The following NOTCH1 variants were observed in gnomAD, a reference collection of about 807,000 sequenced individuals.
NOTCH1 encodes neurogenic locus notch homolog protein 1.
A neutral mutation model predicts 254.8 loss-of-function variants in NOTCH1; 37 were observed. The observed-to-expected ratio is 0.15, with a 90% confidence interval of 0.11 to 0.19. The LOEUF is 0.19. Ranked by LOEUF, NOTCH1 falls within the 10% of genes least tolerant of loss-of-function variation. The pLI, the probability that NOTCH1 is intolerant of heterozygous loss-of-function variation, is 1.00. For synonymous variants in NOTCH1, 1,731 were observed against 1,618.1 expected (o/e 1.07, Z -1.68); for missense variants, 2,972 against 3,708.6 (o/e 0.80, Z 5.16).
Position 136,501,915 on chromosome 9 carries a change from T to C in NOTCH1, c.5473-2A>G, listed in dbSNP as rs2133329352. The C allele has an allele frequency of 6.2e-7, 1 of 1,611,584 alleles. No homozygotes were observed. The highest frequency in any genetic ancestry group is 8.5e-7 in the Non-Finnish European group (1 of 1,179,942). On this transcript the variant is annotated splice_acceptor_variant, in intron 29 of 33. Transcript: ENST00000651671. LOFTEE classifies it high-confidence loss of function. ...AGGCAGAACCACGGGCTCCTCGAAC[T>C]ACATAGAGGGAGTGAGCAGAGCCTG...
chr9:136,531,717 C>T (rs190222818), intron 2 of NOTCH1, among the ~76,000 whole-genome samples: 346 of 152,330 alleles, frequency 2.3e-3, no homozygotes, highest in African/African-American at 8.0e-3. Flanking sequence ...CCCACGCTGC[C>T]GGAGGAGCAC....
chr9:136,498,868 G>A (rs372332451), intron 33 of NOTCH1, 31 bp downstream of exon 33: 20 of 1,609,780 alleles, frequency 1.2e-5, no homozygotes, highest in East Asian at 6.7e-5. Context: ...CAGCCCTCAC[G>A]TCTCCCCTGG....
At chr9:136,511,098 C>A in intron 16 of NOTCH1, 54 bp downstream of exon 16, 4 of 1,612,068 alleles carry the variant, frequency 2.5e-6, no homozygotes, top group Non-Finnish European at 3.4e-6. Flanking sequence ...GCCTGTGTCC[C>A]GCAGACATCC....
At chr9:136,503,131 G>A (rs760778213) in intron 27 of NOTCH1, 51 bp downstream of exon 27, 1 of 1,610,944 alleles carries the variant, frequency 6.2e-7, no homozygotes, top group Middle Eastern at 1.7e-4. Context: ...GGCACGGGGG[G>A]ATGGCACCCC....
In NOTCH1 at chr9:136,499,176, G is replaced by T. The variant is rs748935957; in HGVS notation, c.6018C>A (p.Ala2006=). ...TTPLILAARL[A]VEGMLEDLIN... Reference sequence around the variant, plus strand: ...TGAGGTCCTCCAGCATGCCCTCCACGGCCAGGCGGGCAGCCAGGATCAGTG... The same window carrying T: ...TGAGGTCCTCCAGCATGCCCTCCACTGCCAGGCGGGCAGCCAGGATCAGTG... The change falls in exon 32 of 34, where the codon GCC becomes GCA. Residue 2006 remains alanine (A), a synonymous_variant. Coordinates refer to ENST00000651671, the MANE Select transcript of NOTCH1 (RefSeq NM_017617.5). The T allele has an allele frequency of 3.7e-6, 6 of 1,613,346 alleles. No homozygotes were observed. Among genetic ancestry groups the T allele is most frequent in the African/African-American group, 1.3e-5 (1 of 75,060 alleles).
rs113888617 is a variant in NOTCH1 at position 136,495,031 on chromosome 9, C to T, written c.*1040G>A. 1,261 of 399,008 alleles carry T rather than the reference C, an allele frequency of 3.2e-3. 11 individuals carry two copies. The highest frequency in any genetic ancestry group is 0.022 in the African/African-American group (1,077 of 48,758). 24.7% of individuals were successfully genotyped at this position (399,008 alleles called of 1,614,324 possible). On this transcript the variant is annotated 3_prime_UTR_variant, in exon 34 of 34. Coordinates refer to ENST00000651671, the MANE Select transcript of NOTCH1 (RefSeq NM_017617.5). ...GCTCTGGCAAGTCTCCTACAAAACA[C>T]GGGAGCCCACGGGGGGTCGGGTCCC...
intron 12 of NOTCH1, 35 bp from the exon 13 acceptor site, chr9:136,514,737 C>T (rs756310891): frequency 1.2e-5 from 19 of 1,599,494 alleles, no homozygotes; most frequent in South Asian, 8.9e-5. Context: ...CGAGGCCCAG[C>T]GCCCAGGGGG....
chr9:136,496,864 C>T lies in NOTCH1; in HGVS notation c.6875G>A (p.Gly2292Glu), dbSNP rs1295769772. ...CCCGCCCACAGTGAAATTCAGGGCC[C>T]CTCCGCTGCTGGAGCCCAGGACGGT... Reference protein sequence around the residue: ...TSTVLGSSSGGALNFTVGGST... With the variant: ...TSTVLGSSSGEALNFTVGGST... The change falls in exon 34 of 34, where the codon GGG (glycine) becomes GAG (glutamate). Residue 2292 changes from glycine (G) to glutamate (E), a missense_variant. By Grantham distance (98) the Gly-to-Glu change is moderately conservative. This residue lies in a region of NOTCH1 where 529 missense variants were observed against 529.2 expected (regional missense o/e 1.00). Coordinates refer to ENST00000651671, the MANE Select transcript of NOTCH1 (RefSeq NM_017617.5). 2 of 1,612,796 alleles carry T rather than the reference C, an allele frequency of 1.2e-6. No homozygotes were observed. Among genetic ancestry groups the T allele is most frequent in the Non-Finnish European group, 1.7e-6 (2 of 1,180,012 alleles).
chr9:136,535,125 C>T (rs1046903569), intron 2 of NOTCH1, among the ~76,000 whole-genome samples: 8 of 143,030 alleles, frequency 5.6e-5, no homozygotes, highest in African/African-American at 1.3e-4. Flanking sequence ...CTGAGGGAAC[C>T]GCTGCCCCAC....
rs201289055 is a variant in NOTCH1 at position 136,497,241 on chromosome 9, C to T, written c.6498G>A (p.Leu2166=). The change falls in exon 34 of 34, where the codon CTG becomes CTA. Residue 2166 remains leucine (L), a synonymous_variant. Transcript: ENST00000651671. ...CCTTGGCCTCCTTGCTTCCACAGGC[C>T]AGGCCTTTGCTGCTGGGCTTGCGGA... ...KKVRKPSSKG[L]ACGSKEAKDL... The T allele has an allele frequency of 1.4e-5, 23 of 1,612,274 alleles. No homozygotes were observed. The highest frequency in any genetic ancestry group is 2.2e-5 in the East Asian group (1 of 44,888).
Position 136,509,039 on chromosome 9 carries a change from C to T in NOTCH1, c.3002G>A (p.Gly1001Asp), listed in dbSNP as rs2133349011. The T allele has an allele frequency of 1.3e-6, 2 of 1,561,482 alleles. No homozygotes were observed. The highest frequency in any genetic ancestry group is 1.7e-6 in the Non-Finnish European group (2 of 1,153,756). ...ACACAGGCAGGTGAACGAGTTGATGCCGTCCACGCAGGTGCCACCGTTGAA... is the reference window on the plus strand; with the variant it reads ...ACACAGGCAGGTGAACGAGTTGATGTCGTCCACGCAGGTGCCACCGTTGAA... ...SCFNGGTCVD[G>D]INSFTCLCPP... Residue 1001 changes from glycine to aspartate, a missense_variant, in exon 19 of 34, where the codon GGC becomes GAC. Transcript: ENST00000651671.
At position 136,545,988 on chromosome 9, in the gene NOTCH1, G is replaced by GCCCGCGCCCGCGCCCCGCGC. The variant is rs1564217341; in HGVS notation, c.-222_-203dup. Among the ~76,000 whole-genome samples the GCCCGCGCCCGCGCCCCGCGC allele has an allele frequency of 6.8e-6, 1 of 146,714 alleles. No individual in the cohort carries two copies. Among genetic ancestry groups the GCCCGCGCCCGCGCCCCGCGC allele is most frequent in the East Asian group, 2.0e-4 (1 of 5,052 alleles). On this transcript the variant is annotated 5_prime_UTR_variant, in exon 1 of 34. Transcript: ENST00000651671. The surrounding 1 kb of genome is among the most constrained non-coding windows in gnomAD (Gnocchi z 6.8). ...CGGCTCGTTCCTTCGCTGCGCTCGC[G>GCCCGCGCCCGCGCCCCGCGC]CCCGCGCCCGCGCCCCGCGCCCCGC... is the stretch of plus-strand genomic sequence containing the variant.
In NOTCH1 at chr9:136,506,565, A is replaced by G. The variant is rs1359369535; in HGVS notation, c.3976T>C (p.Ser1326Pro). 1 of 1,610,270 alleles carries G rather than the reference A, an allele frequency of 6.2e-7. No individual in the cohort carries two copies. The highest frequency in any genetic ancestry group is 1.7e-5 in the Admixed American group (1 of 59,846). The change falls in exon 24 of 34, where the codon TCC (serine) becomes CCC (proline). Residue 1326 changes from serine (S) to proline (P), a missense_variant. Physicochemically the swap from Ser to Pro is moderately conservative, Grantham distance 74. Transcript: ENST00000651671. The surrounding 1 kb of genome is among the most constrained non-coding windows in gnomAD (Gnocchi z 4.5). Reference protein sequence around the residue: ...CKNGGTCAVASNTARGFICKC... With the variant: ...CKNGGTCAVAPNTARGFICKC... Reference sequence around the variant, plus strand: ...CAGATGAACCCGCGGGCGGTGTTGGAGGCCACGGCGCAGGTGCCCCCATTC... The same window carrying G: ...CAGATGAACCCGCGGGCGGTGTTGGGGGCCACGGCGCAGGTGCCCCCATTC...
chr9:136,517,989 A>G lies in NOTCH1; in HGVS notation c.1256-52T>C, dbSNP rs376390459. 1.1e-5 allele frequency: 18 copies of G among 1,595,946 alleles called. No individual in the cohort carries two copies. In the African/African-American group the frequency reaches 2.3e-4, roughly 20 times the overall value. On this transcript the variant is annotated intron_variant, in intron 7 of 33. Transcript: ENST00000651671. Reference sequence around the variant, plus strand: ...TGCTCCAGGCACCCTGGCCCCTGCAACACCTCACTGCACACCACCCCCATC... The same window carrying G: ...TGCTCCAGGCACCCTGGCCCCTGCAGCACCTCACTGCACACCACCCCCATC...
chr9:136,517,474 G>T, intron 8 of NOTCH1, 89 bp from the exon 9 acceptor site: 2 of 998,684 alleles, frequency 2.0e-6, no homozygotes, highest in Non-Finnish European at 3.1e-6. Context: ...AACGAACCCT[G>T]CCTCCAGCCC....
intron 9 of NOTCH1, among the ~76,000 whole-genome samples, 174 bp downstream of exon 9, chr9:136,517,098 C>G (rs1158721393): frequency 6.6e-6 from 1 of 150,964 alleles, no homozygotes; most frequent in Non-Finnish European, 1.5e-5. Flanking sequence ...GGCCCTCACC[C>G]CTCAGGAGGC....
rs1178627457 is a variant in NOTCH1 at position 136,514,661 on chromosome 9, G to A, written c.2056C>T (p.Pro686Ser). 2 of 1,612,616 alleles carry A rather than the reference G, an allele frequency of 1.2e-6. No individual in the cohort carries two copies. The highest frequency in any genetic ancestry group is 3.3e-5 in the Admixed American group (2 of 59,974). ...NINIDECAGN[P>S]CHNGGTCEDG... Reference sequence around the variant, plus strand: ...TCGCAGGTGCCCCCGTTGTGGCAGGGGTTGCCCGCACACTCATCGATGTTG... The same window carrying A: ...TCGCAGGTGCCCCCGTTGTGGCAGGAGTTGCCCGCACACTCATCGATGTTG... Residue 686 changes from proline (P) to serine (S), a missense_variant, in exon 13 of 34, where the codon CCC (proline) becomes TCC (serine). By Grantham distance (74) the Pro-to-Ser change is moderately conservative (BLOSUM62 -1). Coordinates refer to ENST00000651671, the MANE Select transcript of NOTCH1 (RefSeq NM_017617.5).
At position 136,544,118 on chromosome 9, in the gene NOTCH1, A is replaced by C. The variant is rs1164452688; in HGVS notation, c.62-16T>G. The C allele has an allele frequency of 2.6e-6, 4 of 1,561,132 alleles. No individual in the cohort carries two copies. Among genetic ancestry groups the C allele is most frequent in the Non-Finnish European group, 3.5e-6 (4 of 1,153,626 alleles). On this transcript the variant is annotated splice_polypyrimidine_tract_variant and intron_variant, in intron 1 of 33. Coordinates refer to ENST00000651671, the MANE Select transcript of NOTCH1 (RefSeq NM_017617.5). ...CATCGCGGGCCTAGGCAGGGGCAGG[A>C]GAAGAGAGGTCAGTCTCACCCGCAC...
chr9:136,534,918 CCTCCCCACA>C, intron 2 of NOTCH1, among the ~76,000 whole-genome samples: 7 of 89,736 alleles, frequency 7.8e-5, no homozygotes, highest in South Asian at 4.4e-4. Flanking sequence ...CCCCCGAGTC[CCTCCCCACA>C]GAGCCCCCAG....
Sources: allele counts gnomAD v4.1 joint callset (sites outside exome capture counted in the v4.1 genomes callset), GRCh38; gene constraint gnomAD v4.1.1; regional missense constraint gnomAD v4.1.1; non-coding constraint Gnocchi (gnomAD v3.1); transcripts MANE v1.5; gene names NCBI Gene and HGNC (gene_info 2026-07-23, HGNC 2026-07-21).